RBFOX1: variants seen among roughly 807,000 people sequenced by gnomAD.
RBFOX1 encodes the protein RNA binding fox-1 homolog 1, also known as RNA binding protein fox-1 homolog 1.
Under a neutral mutation model 57.7 loss-of-function variants are expected in RBFOX1, and 8 were observed. That is an observed-to-expected ratio of 0.14 (90% CI 0.08 to 0.25). RBFOX1 has a LOEUF of 0.25. Ranked by LOEUF, RBFOX1 falls within the 10% of genes least tolerant of loss-of-function variation. The pLI, the probability that RBFOX1 is intolerant of heterozygous loss-of-function variation, is 1.00. For synonymous variants in RBFOX1, 326 were observed against 222.4 expected, an observed-to-expected ratio of 1.47 and a Z score of -4.15; for missense variants, 611 against 548.5, an observed-to-expected ratio of 1.11 and a Z score of -1.14.
At chr16:5,726,474 G>T (rs1464524418) in intron 3 of RBFOX1, among the ~76,000 whole-genome samples, 1 of 152,048 alleles carries the variant, frequency 6.6e-6, no homozygotes, top group African/African-American at 2.4e-5. Context: ...CACTTTCTTT[G>T]TCCCGCTTTC....
chr16:7,042,864 T>G (rs1179444992), intron 3 of RBFOX1, among the ~76,000 whole-genome samples: 3 of 152,158 alleles, frequency 2.0e-5, no homozygotes, highest in Non-Finnish European at 4.4e-5. Context: ...AGGTGGAGGT[T>G]TCAGTGAGCT....
intron 3 of RBFOX1, among the ~76,000 whole-genome samples, chr16:6,854,114 T>A (rs981125356): frequency 9.2e-5 from 14 of 152,200 alleles, no homozygotes; most frequent in African/African-American, 2.9e-4. Context: ...TTTACAAAAC[T>A]CCATTGCTCT....
At chr16:5,285,753 G>A (rs1049200562) in intron 1 of RBFOX1, among the ~76,000 whole-genome samples, 8 of 152,092 alleles carry the variant, frequency 5.3e-5, no homozygotes, top group Non-Finnish European at 1.2e-4. Flanking sequence ...GTTATTCAGT[G>A]GCTTAGACTG....
chr16:6,373,392 G>A (rs1489393110), intron 2 of RBFOX1, among the ~76,000 whole-genome samples: 2 of 150,902 alleles, frequency 1.3e-5, no homozygotes. Flanking sequence ...TAGGATCACT[G>A]GGTAGGAGCA....
chr16:6,943,275 T>C (rs2078879522), intron 3 of RBFOX1, among the ~76,000 whole-genome samples: 1 of 152,206 alleles, frequency 6.6e-6, no homozygotes, highest in Non-Finnish European at 1.5e-5. Context: ...GCAAAAAGAA[T>C]AGCCCATTTG....
chr16:7,404,168 T>G (rs1192157787), intron 4 of RBFOX1, among the ~76,000 whole-genome samples: 2 of 152,048 alleles, frequency 1.3e-5, no homozygotes, highest in East Asian at 3.9e-4. Flanking sequence ...TTCTCCTGCC[T>G]CAGCCTCCTG....
intron 4 of RBFOX1, among the ~76,000 whole-genome samples, chr16:5,922,017 C>T (rs930771489): frequency 3.3e-5 from 5 of 151,968 alleles, no homozygotes; most frequent in South Asian, 2.1e-4. Flanking sequence ...AAAAATTCGC[C>T]GGGCATGGTG....
chr16:7,483,689 G>A (rs1282055220), intron 4 of RBFOX1, among the ~76,000 whole-genome samples: 1 of 152,156 alleles, frequency 6.6e-6, no homozygotes, highest in Non-Finnish European at 1.5e-5. Flanking sequence ...TTAAAGGTGG[G>A]TTTTCCAGAG....
At chr16:7,382,959 G>T (rs74012512) in intron 4 of RBFOX1, among the ~76,000 whole-genome samples, 2,293 of 152,168 alleles carry the variant, frequency 0.015, 60 homozygotes, top group African/African-American at 0.053. Flanking sequence ...ACATTGAAGA[G>T]AAAAGAAGGA....
intron 1 of RBFOX1, among the ~76,000 whole-genome samples, chr16:6,190,426 A>G (rs1303578405): frequency 1.3e-5 from 2 of 152,322 alleles, no homozygotes; most frequent in East Asian, 1.9e-4. Context: ...TCCTGGCTTT[A>G]TGCAACAGAC....
intron 3 of RBFOX1, among the ~76,000 whole-genome samples, chr16:5,764,634 C>T (rs903816322): frequency 3.3e-5 from 5 of 152,038 alleles, no homozygotes; most frequent in African/African-American, 1.2e-4. Context: ...TAAGGAACCC[C>T]GAGGGAAGAA....
chr16:6,109,869 TAAAAC>T (rs1386635488), intron 1 of RBFOX1, among the ~76,000 whole-genome samples: 3 of 152,216 alleles, frequency 2.0e-5, no homozygotes, highest in Non-Finnish European at 4.4e-5. Flanking sequence ...ATAAATTTCT[TAAAAC>T]AGAGCAGAAA....
intron 1 of RBFOX1, among the ~76,000 whole-genome samples, chr16:5,421,884 AG>A (rs2067339403): frequency 6.6e-6 from 1 of 152,172 alleles, no homozygotes. Flanking sequence ...GCTCGTGGTT[AG>A]GGACATGAAA....
chr16:6,528,891 A>C (rs1336703160), intron 2 of RBFOX1, among the ~76,000 whole-genome samples: 1 of 152,212 alleles, frequency 6.6e-6, no homozygotes, highest in African/African-American at 2.4e-5. Context: ...TCCTGGTGGA[A>C]GAAATTGGTG....
In RBFOX1 at chr16:7,078,863, C is replaced by CTTTTTTTT. The variant is rs57410575; in HGVS notation, c.27+26784_27+26791dup. Among the ~76,000 whole-genome samples the CTTTTTTTT allele has an allele frequency of 5.3e-4, 28 of 52,746 alleles. 3 individuals are homozygous for CTTTTTTTT. Among genetic ancestry groups the CTTTTTTTT allele is most frequent in the African/African-American group, 1.8e-3 (23 of 12,788 alleles). 34.6% of individuals were successfully genotyped at this position (52,746 alleles called of 152,430 possible). On this transcript the variant is annotated intron_variant, in intron 4 of 15. Transcript: ENST00000550418. ...ACGCCCAGCTAATTTATATATATAC[C>CTTTTTTTT]TTTTTTTTTTTTTTTTTTTTTTTTT...
intron 2 of RBFOX1, among the ~76,000 whole-genome samples, chr16:6,476,524 A>G (rs1245220372): frequency 6.6e-6 from 1 of 152,218 alleles, no homozygotes; most frequent in Non-Finnish European, 1.5e-5. Context: ...CTAAAAAACG[A>G]CGTGCATACC....
chr16:5,880,285 C>G (rs2057729925), intron 4 of RBFOX1, among the ~76,000 whole-genome samples: 1 of 152,186 alleles, frequency 6.6e-6, no homozygotes, highest in Non-Finnish European at 1.5e-5. Flanking sequence ...AAATCTGACT[C>G]CAGTACCTCC....
chr16:7,212,236 G>A (rs1357609649), intron 4 of RBFOX1, among the ~76,000 whole-genome samples: 1 of 152,160 alleles, frequency 6.6e-6, no homozygotes, highest in Non-Finnish European at 1.5e-5. Context: ...GAGAATGAGG[G>A]AAGCACAAGC....
chr16:6,424,605 C>CTGTGTGTGTGCG (rs2093870177), intron 2 of RBFOX1, among the ~76,000 whole-genome samples: 2 of 14,268 alleles, frequency 1.4e-4, no homozygotes, highest in Admixed American at 8.6e-4. Flanking sequence ...CTTAAGAGCA[C>CTGTGTGTGTGCG]TGTGTGTGTG....
Sources: gnomAD v4.1 joint callset for allele counts (sites outside exome capture counted in the v4.1 genomes callset) on GRCh38, gnomAD v4.1.1 for gene constraint, MANE v1.5 for transcripts, NCBI Gene and HGNC (gene_info 2026-07-23, HGNC 2026-07-21) for gene names.